Variants in TAS2R14 observed in about 807,000 individuals in gnomAD.
TAS2R14 encodes taste receptor type 2 member 14.
For synonymous variants in TAS2R14, 131 were observed against 131.0 expected, an observed-to-expected ratio of 1.00 and a Z score of 0.00; for missense variants, 383 against 372.0, an observed-to-expected ratio of 1.03 and a Z score of -0.24.
chr12:10,938,369 A>G lies in TAS2R14; in HGVS notation c.839T>C (p.Leu280Pro), dbSNP rs1443277567. The G allele has an allele frequency of 3.7e-6, 6 of 1,613,984 alleles. No individual in the cohort carries two copies. The African/African-American group carries it at 6.7e-5, about 18-fold the overall frequency. ...TCTCAGCTTCTTGTTTCCAAGAATCAGAACACATGAGTGACATGAAGGATA... is the reference window on the plus strand; with the variant it reads ...TCTCAGCTTCTTGTTTCCAAGAATCGGAACACATGAGTGACATGAAGGATA... Residue 280 changes from leucine to proline, a missense_variant, in exon 1 of 1, where the codon CTG becomes CCG. Leu to Pro is a moderately conservative substitution (Grantham distance 98, BLOSUM62 -3). Transcript: ENST00000537503.
chr12:10,938,761 G>A, exon 1 of TAS2R14: 1 of 1,613,828 alleles, frequency 6.2e-7, no homozygotes, highest in East Asian at 2.2e-5. Context: ...TTATATGGAT[G>A]TTTATCAGTG....
At chr12:10,938,408 A>G (rs769696787) in exon 1 of TAS2R14, 53 of 1,613,896 alleles carry the variant, frequency 3.3e-5, no homozygotes, top group Non-Finnish European at 4.1e-5. Context: ...CATTCCCATC[A>G]CCTGGGAAAG....
At chr12:10,938,987 G>C in exon 1 of TAS2R14, 1 of 1,613,296 alleles carries the variant, frequency 6.2e-7, no homozygotes, top group South Asian at 1.1e-5. Context: ...GGCAAATAAA[G>C]CTGGGAAAAA....
Sources: allele counts gnomAD v4.1 joint callset, GRCh38; gene constraint gnomAD v4.1.1; transcripts MANE v1.5; gene names NCBI Gene and HGNC (gene_info 2026-07-23, HGNC 2026-07-21).